The following ROBO2 variants were observed in gnomAD, a reference collection of about 807,000 sequenced individuals.
ROBO2 encodes roundabout homolog 2.
In ROBO2, 53 loss-of-function variants were observed where a neutral mutation model predicts 160.8. The ratio of observed to expected loss-of-function variants is 0.33; its 90% CI spans 0.26 to 0.41. The LOEUF is 0.41. ROBO2 is among the 10% of genes least tolerant of loss of function. The pLI, the probability that ROBO2 is intolerant of heterozygous loss-of-function variation, is 1.00. For synonymous variants in ROBO2, 664 were observed against 611.7 expected (o/e 1.09, Z -1.26); for missense variants, 1,577 against 1,722.4 (o/e 0.92, Z 1.49).
At chr3:77,310,215 T>A (rs2063426158) in intron 2 of ROBO2, among the ~76,000 whole-genome samples, 1 of 152,114 alleles carries the variant, frequency 6.6e-6, no homozygotes, top group South Asian at 2.1e-4. Context: ...TGCGAAATTG[T>A]CCTTAAAAAG....
chr3:76,511,078 T>A (rs1420643561), intron 2 of ROBO2, among the ~76,000 whole-genome samples: 1 of 152,166 alleles, frequency 6.6e-6, no homozygotes, highest in Non-Finnish European at 1.5e-5. Flanking sequence ...AGAACAAGTC[T>A]CTAATGCTGA....
intron 2 of ROBO2, among the ~76,000 whole-genome samples, chr3:76,150,869 C>T (rs1043976855): frequency 2.6e-5 from 4 of 152,102 alleles, no homozygotes; most frequent in African/African-American, 4.8e-5. Context: ...TTCCTACATG[C>T]TTGTGATAGA....
intron 5 of ROBO2, among the ~76,000 whole-genome samples, chr3:77,497,266 T>C (rs2086911769): frequency 6.6e-6 from 1 of 152,134 alleles, no homozygotes; most frequent in Non-Finnish European, 1.5e-5. Context: ...AATACATATG[T>C]GTTAGGGACA....
intron 2 of ROBO2, among the ~76,000 whole-genome samples, chr3:77,170,705 A>T (rs186332473): frequency 7.2e-5 from 11 of 152,290 alleles, no homozygotes; most frequent in Non-Finnish European, 1.3e-4. Flanking sequence ...AGTGGAAAAG[A>T]TCTGTAAAAC....
chr3:76,256,437 T>C (rs1576127579), intron 2 of ROBO2, among the ~76,000 whole-genome samples: 1 of 151,560 alleles, frequency 6.6e-6, no homozygotes, highest in Non-Finnish European at 1.5e-5. Flanking sequence ...CCAGGTGCAA[T>C]GGCTCACACC....
chr3:77,117,329 A>T (rs903142021), intron 2 of ROBO2, among the ~76,000 whole-genome samples: 6 of 152,322 alleles, frequency 3.9e-5, no homozygotes, highest in African/African-American at 1.4e-4. Context: ...CAGTGATAAA[A>T]TTACCAAAAT....
chr3:75,982,555 G>T (rs905622541), intron 2 of ROBO2, among the ~76,000 whole-genome samples: 25 of 151,584 alleles, frequency 1.6e-4, no homozygotes, highest in African/African-American at 5.5e-4. Context: ...AGGCTTGTTT[G>T]CTATTCTTAA....
intron 17 of ROBO2, among the ~76,000 whole-genome samples, chr3:77,591,842 C>A (rs1334372121): frequency 6.6e-6 from 1 of 152,170 alleles, no homozygotes; most frequent in Non-Finnish European, 1.5e-5. Context: ...TGAGAACTAC[C>A]TCAAAATAGC....
chr3:77,501,246 A>G (rs1440564651), intron 5 of ROBO2, among the ~76,000 whole-genome samples: 1 of 152,050 alleles, frequency 6.6e-6, no homozygotes, highest in African/African-American at 2.4e-5. Flanking sequence ...GTGGATGGAG[A>G]TTTACCACTG....
At chr3:76,819,496 A>G (rs1394976719) in intron 2 of ROBO2, among the ~76,000 whole-genome samples, 2 of 152,054 alleles carry the variant, frequency 1.3e-5, no homozygotes, top group Admixed American at 6.6e-5. Flanking sequence ...GAGGCTCTGG[A>G]CACTTCCTTC....
chr3:76,304,121 T>C (rs1489891635), intron 2 of ROBO2, among the ~76,000 whole-genome samples: 2 of 152,238 alleles, frequency 1.3e-5, no homozygotes, highest in Non-Finnish European at 2.9e-5. Flanking sequence ...ACCTGGTACT[T>C]ATGTAACTGT....
At chr3:76,643,478 T>G (rs555400677) in intron 2 of ROBO2, among the ~76,000 whole-genome samples, 1 of 152,178 alleles carries the variant, frequency 6.6e-6, no homozygotes, top group African/African-American at 2.4e-5. Context: ...TTAGAGAGCA[T>G]GTATTTAATA....
intron 2 of ROBO2, among the ~76,000 whole-genome samples, chr3:76,555,697 A>C (rs2108428734): frequency 6.6e-6 from 1 of 152,268 alleles, no homozygotes; most frequent in Admixed American, 6.5e-5. Flanking sequence ...GACACTAATA[A>C]TTTTCTAAAT....
chr3:77,219,525 G>GTA (rs1211865226), intron 2 of ROBO2, among the ~76,000 whole-genome samples: 1,549 of 139,100 alleles, frequency 0.011, 18 homozygotes, highest in Non-Finnish European at 0.016. Context: ...CTGTGTGTGT[G>GTA]TATATATATA....
At chr3:77,376,743 G>T (rs146673337) in intron 2 of ROBO2, among the ~76,000 whole-genome samples, 1 of 152,080 alleles carries the variant, frequency 6.6e-6, no homozygotes, top group African/African-American at 2.4e-5. Flanking sequence ...CCATTAGACC[G>T]CAAGTCCATT....
At chr3:76,926,982 C>T (rs1212554815) in intron 2 of ROBO2, among the ~76,000 whole-genome samples, 1 of 151,848 alleles carries the variant, frequency 6.6e-6, no homozygotes, top group Non-Finnish European at 1.5e-5. Context: ...TATAAAATTT[C>T]CTGTTGCCCA....
Position 76,210,615 on chromosome 3 carries a change from C to G in ROBO2, c.109+273013C>G, listed in dbSNP as rs557866938. Among the ~76,000 whole-genome samples the G allele has an allele frequency of 6.6e-5, 10 of 152,092 alleles. No individual in the cohort carries two copies. The East Asian group carries it at 1.9e-3, about 29-fold the overall frequency. On this transcript the variant is annotated intron_variant, in intron 2 of 26. Transcript: ENST00000487694. ...TAAACAGAGTTAATAAATATAAATG[C>G]TGTTTTGATTGAAAAATTCTATCTA...
intron 6 of ROBO2, among the ~76,000 whole-genome samples, chr3:77,523,641 G>A (rs1029492725): frequency 4.0e-5 from 6 of 151,444 alleles, no homozygotes; most frequent in Admixed American, 4.0e-4. Flanking sequence ...TGTTGATCAC[G>A]TGAGGGAAAT....
chr3:76,357,692 G>A lies in ROBO2; in HGVS notation c.109+420090G>A, dbSNP rs187235973. Among the ~76,000 whole-genome samples, 663 of 151,914 alleles carry A rather than the reference G, an allele frequency of 4.4e-3. 4 individuals are homozygous for A. The highest frequency in any genetic ancestry group is 6.1e-3 in the Non-Finnish European group (415 of 67,908). On this transcript the variant is annotated intron_variant, in intron 2 of 26. Transcript: ENST00000487694. ...AACTGCCTTTATTCAGAGATAACAGGATTATGAACGAAGATATCTCATTGG... is the reference window on the plus strand; with the variant it reads ...AACTGCCTTTATTCAGAGATAACAGAATTATGAACGAAGATATCTCATTGG...
Sources: gnomAD v4.1 joint callset for allele counts (sites outside exome capture counted in the v4.1 genomes callset) on GRCh38, gnomAD v4.1.1 for gene constraint, MANE v1.5 for transcripts, NCBI Gene and HGNC (gene_info 2026-07-23, HGNC 2026-07-21) for gene names.